Variants in FAM91A1 observed in about 807,000 individuals in gnomAD.
The protein encoded by FAM91A1 is family with sequence similarity 91 member A1.
FAM91A1 carries 41 observed loss-of-function variants against 113.5 expected under a neutral mutation model. The observed-to-expected ratio is 0.36, with a 90% CI of 0.28 to 0.47. The LOEUF is 0.47. FAM91A1 is among the 20% of genes least tolerant of loss of function. The pLI is 1.00. For missense variants in FAM91A1, 696 were observed against 1,001.2 expected, an observed-to-expected ratio of 0.70 and a Z score of 4.11; for synonymous variants, 307 against 347.9, an observed-to-expected ratio of 0.88 and a Z score of 1.31.
chr8:123,778,198 G>A (rs1435517964), intron 5 of FAM91A1, 106 bp downstream of exon 5: 5 of 764,568 alleles, frequency 6.5e-6, no homozygotes, highest in Admixed American at 3.0e-5. Context: ...CAAATAAAAT[G>A]TACTTAACAC....
intron 18 of FAM91A1, among the ~76,000 whole-genome samples, chr8:123,803,446 G>A (rs1212285848): frequency 6.6e-6 from 1 of 152,064 alleles, no homozygotes; most frequent in East Asian, 1.9e-4. Flanking sequence ...GAGTAGCTGG[G>A]ACTACAAGCT....
intron 18 of FAM91A1, among the ~76,000 whole-genome samples, chr8:123,801,287 T>G (rs1815673564): frequency 6.6e-6 from 1 of 152,238 alleles, no homozygotes; most frequent in South Asian, 2.1e-4. Context: ...TGTGACATTT[T>G]CATGATAAAC....
chr8:123,790,501 T>C (rs1466161500), intron 15 of FAM91A1, among the ~76,000 whole-genome samples: 1 of 152,254 alleles, frequency 6.6e-6, no homozygotes, highest in Non-Finnish European at 1.5e-5. Flanking sequence ...GAGTTGTGTC[T>C]TGGGGCTTCA....
intron 2 of FAM91A1, 69 bp from the exon 3 acceptor site, chr8:123,775,078 A>G: frequency 5.8e-6 from 8 of 1,385,740 alleles, no homozygotes; most frequent in Non-Finnish European, 5.8e-6. Context: ...TGGTTTGTAA[A>G]GTGTTCATAG....
chr8:123,801,866 G>A (rs1815690903), intron 18 of FAM91A1, among the ~76,000 whole-genome samples: 1 of 151,836 alleles, frequency 6.6e-6, no homozygotes. Context: ...TTGGGTCATA[G>A]TAGTTGTCCA....
chr8:123,784,679 G>A (rs1049834418), intron 9 of FAM91A1, 103 bp downstream of exon 9: 1 of 709,892 alleles, frequency 1.4e-6, no homozygotes, highest in African/African-American at 1.9e-5. Flanking sequence ...AAATCTCCAT[G>A]TGGGGAGATC....
intron 1 of FAM91A1, 50 bp from the exon 2 acceptor site, chr8:123,774,030 C>T: frequency 2.1e-6 from 3 of 1,455,448 alleles, no homozygotes; most frequent in Non-Finnish European, 1.9e-6. Flanking sequence ...AAAAATAGTA[C>T]TATTGTTCAG....
At chr8:123,784,121 AAC>A (rs1815192715) in intron 8 of FAM91A1, among the ~76,000 whole-genome samples, 1 of 152,162 alleles carries the variant, frequency 6.6e-6, no homozygotes, top group Admixed American at 6.5e-5. Context: ...AGGCATCAAA[AAC>A]ACATGTATCA....
chr8:123,805,691 C>T (rs1032761354), intron 19 of FAM91A1, among the ~76,000 whole-genome samples: 3 of 152,086 alleles, frequency 2.0e-5, no homozygotes, highest in African/African-American at 7.2e-5. Flanking sequence ...TAATTGTTTA[C>T]CTGGAGATGC....
chr8:123,774,359 A>G (rs949816327), intron 2 of FAM91A1, among the ~76,000 whole-genome samples, 195 bp downstream of exon 2: 1 of 152,196 alleles, frequency 6.6e-6, no homozygotes, highest in Admixed American at 6.5e-5. Flanking sequence ...TCTGATAAAA[A>G]TTATTTTTAG....
At chr8:123,769,656 A>G (rs1814790901) in intron 1 of FAM91A1, among the ~76,000 whole-genome samples, 1 of 152,228 alleles carries the variant, frequency 6.6e-6, no homozygotes, top group African/African-American at 2.4e-5. Flanking sequence ...GGTGCAGGTA[A>G]TTTGCAACAG....
chr8:123,789,577 T>G, intron 14 of FAM91A1, 36 bp from the exon 15 acceptor site: 9 of 1,610,924 alleles, frequency 5.6e-6, no homozygotes, highest in Non-Finnish European at 7.6e-6. Flanking sequence ...ATAAAAGTGG[T>G]ATTTTTGTTG....
At position 123,789,819 on chromosome 8, in the gene FAM91A1, T is replaced by C. The variant is rs1815342047; in HGVS notation, c.1411+74T>C. 5 of 1,519,210 alleles carry C rather than the reference T, an allele frequency of 3.3e-6. No individual in the cohort carries two copies. In the Admixed American group the frequency reaches 5.7e-5, roughly 17 times the overall value. The allele number at this position is 1,519,210 out of a possible 1,614,324, so 94.1% of individuals were successfully genotyped here. A position where few individuals can be genotyped will look rare whatever the true frequency, so the allele number is the denominator to read the frequency against. ...TTCTAAGAAATTAAACAGATCATGCTCACTTATATAATCATCACTTACGTA... is the reference window on the plus strand; with the variant it reads ...TTCTAAGAAATTAAACAGATCATGCCCACTTATATAATCATCACTTACGTA... On this transcript the variant is annotated intron_variant, in intron 15 of 23. Transcript: ENST00000334705.
chr8:123,808,196 C>A, intron 20 of FAM91A1, 76 bp from the exon 21 acceptor site: 1 of 1,115,060 alleles, frequency 9.0e-7, no homozygotes, highest in Non-Finnish European at 1.3e-6. Context: ...AAGTCTTTTC[C>A]ATGTTAGGAC....
chr8:123,808,490 T>C lies in FAM91A1; in HGVS notation c.2137+114T>C, dbSNP rs555489777. 18 of 700,596 alleles carry C rather than the reference T, an allele frequency of 2.6e-5. No individual in the cohort carries two copies. The African/African-American group carries it at 3.0e-4, about 11-fold the overall frequency. 43.4% of individuals were successfully genotyped at this position (700,596 alleles called of 1,614,324 possible). ...TCTTATTATTCATACGACTTTTAAA[T>C]AAGAGTTTTCTAGGAAGCCTTTTTA... On this transcript the variant is annotated intron_variant, in intron 21 of 23. Transcript: ENST00000334705.
In FAM91A1 at chr8:123,808,924, C is replaced by T. The variant is rs370272461; in HGVS notation, c.2169C>T (p.Leu723=). 18 of 1,611,638 alleles carry T rather than the reference C, an allele frequency of 1.1e-5. No homozygotes were observed. The highest frequency in any genetic ancestry group is 6.6e-5 in the South Asian group (6 of 90,926). ...GATTEADWVP[L]ELCFGIPLFS... ...CAACAGAAGCAGATTGGGTTCCTCT[C>T]GAGCTGTGCTTTGGAATTCCACTGT... Residue 723 remains leucine, a synonymous_variant, in exon 22 of 24, where the codon CTC becomes CTT. Coordinates refer to ENST00000334705, the MANE Select transcript of FAM91A1 (RefSeq NM_144963.4).
intron 20 of FAM91A1, among the ~76,000 whole-genome samples, chr8:123,806,578 A>G (rs1300566445): frequency 2.0e-5 from 3 of 152,136 alleles, no homozygotes; most frequent in Non-Finnish European, 4.4e-5. Flanking sequence ...TTTCCCTTTC[A>G]ACTTTTTCTG....
intron 19 of FAM91A1, 22 bp from the exon 20 acceptor site, chr8:123,806,058 G>A: frequency 4.6e-6 from 7 of 1,523,588 alleles, no homozygotes; most frequent in Non-Finnish European, 6.2e-6. Flanking sequence ...GTTCATTAAT[G>A]TGATGTCCGT....
chr8:123,768,911 C>A, intron 1 of FAM91A1, 137 bp downstream of exon 1: 1 of 882,770 alleles, frequency 1.1e-6, no homozygotes, highest in Admixed American at 2.3e-5. Flanking sequence ...CTTGGGGAGA[C>A]GGACCTTCAG....
Sources: allele counts gnomAD v4.1 joint callset (sites outside exome capture counted in the v4.1 genomes callset), GRCh38; gene constraint gnomAD v4.1.1; transcripts MANE v1.5; gene names NCBI Gene and HGNC (gene_info 2026-07-23, HGNC 2026-07-21).